The following TRIM51G variants were observed in gnomAD, a reference collection of about 807,000 sequenced individuals.
TRIM51G encodes tripartite motif-containing 51G.
the TRIM51G span, among the ~76,000 whole-genome samples, chr11:48,982,947 G>GTGTGTATA: frequency 3.5e-5 from 3 of 86,136 alleles, no homozygotes; most frequent in East Asian, 4.4e-4. Flanking sequence ...AGTATTTTTG[G>GTGTGTATA]TATATATACA....
At chr11:48,981,423 T>G in the TRIM51G span, 1 of 1,607,808 alleles carries the variant, frequency 6.2e-7, no homozygotes, top group Admixed American at 1.7e-5. Context: ...TCCCACATAT[T>G]TGCTCCTCAG....
chr11:48,979,308 T>C, the TRIM51G span, among the ~76,000 whole-genome samples: 5 of 152,190 alleles, frequency 3.3e-5, no homozygotes, highest in Admixed American at 6.5e-5. Context: ...AATGATAAAA[T>C]GTTTTCTAAG....
chr11:48,983,716 T>C, the TRIM51G span, among the ~76,000 whole-genome samples: 2 of 152,094 alleles, frequency 1.3e-5, no homozygotes, highest in East Asian at 3.9e-4. Context: ...AGAAATAATT[T>C]TCTCCATATA....
At chr11:48,981,300 A>G in the TRIM51G span, 1 of 1,605,846 alleles carries the variant, frequency 6.2e-7, no homozygotes, top group Non-Finnish European at 8.5e-7. Context: ...GTTCCTCAGC[A>G]GCCCACTCAG....
chr11:48,978,923 C>T, the TRIM51G span: 2 of 1,586,792 alleles, frequency 1.3e-6, no homozygotes, highest in Non-Finnish European at 1.7e-6. Context: ...GATCCTCATA[C>T]ATTCCTCTTA....
the TRIM51G span, among the ~76,000 whole-genome samples, chr11:48,976,834 T>C: frequency 6.6e-6 from 1 of 152,194 alleles, no homozygotes; most frequent in South Asian, 2.1e-4. Flanking sequence ...TTATTTCTTA[T>C]GTCATTACAT....
the TRIM51G span, among the ~76,000 whole-genome samples, chr11:48,979,974 A>C: frequency 6.6e-6 from 1 of 151,858 alleles, no homozygotes; most frequent in South Asian, 2.1e-4. Context: ...TTTAAAACTC[A>C]AACCCTCATC....
At chr11:48,983,435 T>C in the TRIM51G span, among the ~76,000 whole-genome samples, 7 of 152,222 alleles carry the variant, frequency 4.6e-5, no homozygotes, top group East Asian at 1.4e-3. Context: ...TTTACTTAAC[T>C]GTACCAATAT....
chr11:48,980,330 T>A, the TRIM51G span, among the ~76,000 whole-genome samples: 1 of 152,102 alleles, frequency 6.6e-6, no homozygotes, highest in Non-Finnish European at 1.5e-5. Context: ...AAATACTAGT[T>A]CCCATATTTC....
chr11:48,978,778 A>G, the TRIM51G span: 9 of 649,834 alleles, frequency 1.4e-5, no homozygotes, highest in South Asian at 1.4e-4. Context: ...GAAACAAATC[A>G]TGGAAGTAAA....
the TRIM51G span, among the ~76,000 whole-genome samples, chr11:48,976,436 T>A: frequency 6.6e-6 from 1 of 152,132 alleles, no homozygotes; most frequent in South Asian, 2.1e-4. Flanking sequence ...AGTCCACATG[T>A]TCAAATTATA....
the TRIM51G span, among the ~76,000 whole-genome samples, chr11:48,980,567 T>G: frequency 6.6e-6 from 1 of 152,130 alleles, no homozygotes; most frequent in African/African-American, 2.4e-5. Context: ...TCACCTGAAA[T>G]TTCCATGACT....
At chr11:48,976,204 A>G in the TRIM51G span, among the ~76,000 whole-genome samples, 4 of 152,164 alleles carry the variant, frequency 2.6e-5, no homozygotes, top group Non-Finnish European at 5.9e-5. Context: ...ACAGACATTG[A>G]AAATTTATTG....
At chr11:48,980,902 T>C in the TRIM51G span, 9 of 486,624 alleles carry the variant, frequency 1.8e-5, no homozygotes, top group South Asian at 1.4e-4. Flanking sequence ...AACACACTAC[T>C]AACCTTCCAG....
the TRIM51G span, among the ~76,000 whole-genome samples, chr11:48,978,414 G>T: frequency 4.5e-3 from 682 of 152,178 alleles, 7 homozygotes; most frequent in African/African-American, 0.015. Flanking sequence ...TCTATGCTCT[G>T]CTGTAACCAT....
the TRIM51G span, among the ~76,000 whole-genome samples, chr11:48,979,725 T>G: frequency 6.6e-6 from 1 of 151,588 alleles, no homozygotes; most frequent in African/African-American, 2.4e-5. Context: ...TATATATTTC[T>G]CAAATATAGG....
chr11:48,975,715 C>A, the TRIM51G span: 42 of 1,549,332 alleles, frequency 2.7e-5, 1 homozygote, highest in South Asian at 3.1e-4. Context: ...CTTAACACAT[C>A]CAAGAAGAAA....
At chr11:48,977,801 C>T in the TRIM51G span, among the ~76,000 whole-genome samples, 3 of 152,048 alleles carry the variant, frequency 2.0e-5, no homozygotes, top group Non-Finnish European at 4.4e-5. Context: ...TTTTCTCTTG[C>T]AAATATGAAG....
the TRIM51G span, among the ~76,000 whole-genome samples, chr11:48,976,438 C>G: frequency 6.6e-6 from 1 of 152,094 alleles, no homozygotes; most frequent in Non-Finnish European, 1.5e-5. Flanking sequence ...TCCACATGTT[C>G]AAATTATAAG....
Sources: allele counts gnomAD v4.1 joint callset (sites outside exome capture counted in the v4.1 genomes callset), GRCh38; gene constraint gnomAD v4.1.1; transcripts MANE v1.5; gene names NCBI Gene and HGNC (gene_info 2026-07-23, HGNC 2026-07-21).